The following SPRED2 variants were observed in gnomAD, a reference collection of about 807,000 sequenced individuals.
The protein encoded by SPRED2 is sprouty related EVH1 domain containing 2.
A neutral mutation model predicts 43.0 loss-of-function variants in SPRED2; 47 were observed. The observed-to-expected ratio is 1.09, with a 90% confidence interval of 0.87 to 1.40. The LOEUF is 1.40. Among genes scored for constraint, SPRED2 ranks in the 40% most tolerant of loss-of-function variants. SPRED2 has a pLI of 0.00. For missense variants in SPRED2, 561 were observed against 586.4 expected, an observed-to-expected ratio of 0.96 and a Z score of 0.45; for synonymous variants, 225 against 225.7, an observed-to-expected ratio of 1.00 and a Z score of 0.03.
intron 1 of SPRED2, 143 bp downstream of exon 1, chr2:65,431,819 C>G (rs965805818): frequency 1.0e-6 from 1 of 997,994 alleles, no homozygotes; most frequent in Non-Finnish European, 1.5e-6. Context: ...GCAGGGAAGC[C>G]TCGCGTCCCA....
At chr2:65,374,677 C>T (rs1675198639) in intron 1 of SPRED2, among the ~76,000 whole-genome samples, 1 of 152,208 alleles carries the variant, frequency 6.6e-6, no homozygotes, top group Admixed American at 6.5e-5. Context: ...GAAAATTCTT[C>T]CTGGCTCTGC....
At chr2:65,357,140 A>G (rs1396210) in intron 1 of SPRED2, among the ~76,000 whole-genome samples, 102,997 of 152,122 alleles carry the variant, frequency 0.68, 35,797 homozygotes, top group African/African-American at 0.84. Context: ...CAGGTCCACT[A>G]GAAATGGATG....
intron 1 of SPRED2, among the ~76,000 whole-genome samples, chr2:65,378,369 A>C (rs1167816192): frequency 6.6e-6 from 1 of 152,242 alleles, no homozygotes; most frequent in Admixed American, 6.5e-5. Flanking sequence ...TCAGAAATAC[A>C]TACTGAAGTA....
rs1203113171 is a variant in SPRED2, at chr2:65,311,149, C to T, written c.*2352G>A. On this transcript the variant is annotated 3_prime_UTR_variant, in exon 6 of 6. Coordinates refer to ENST00000356388, the MANE Select transcript of SPRED2 (RefSeq NM_181784.3). ...AATCTTTTGGTTAATGTTTTGTTAC[C>T]ACAGATACAAAAATAAAATCTGAAT... is the stretch of plus-strand genomic sequence containing the variant. The T allele has an allele frequency of 1.0e-6, 1 of 985,504 alleles. No homozygotes were observed. The highest frequency in any genetic ancestry group is 1.1e-4 in the East Asian group (1 of 8,806). The allele number at this position is 985,504 out of a possible 1,614,324, so 61.0% of individuals were successfully genotyped here. A position where few individuals can be genotyped will look rare whatever the true frequency, so the allele number is the denominator to read the frequency against.
chr2:65,310,530 A>G (rs1673041465), downstream of SPRED2, among the ~76,000 whole-genome samples: 3 of 151,556 alleles, frequency 2.0e-5, no homozygotes, highest in Non-Finnish European at 4.4e-5. Flanking sequence ...AGCAGGGATC[A>G]GTGGAAAACA....
At chr2:65,354,501 C>T (rs1284736823) in intron 1 of SPRED2, among the ~76,000 whole-genome samples, 1 of 151,886 alleles carries the variant, frequency 6.6e-6, no homozygotes, top group African/African-American at 2.4e-5. Flanking sequence ...ACGTATAAAT[C>T]CTGCACAGGA....
At chr2:65,414,171 A>C (rs543016592) in intron 1 of SPRED2, among the ~76,000 whole-genome samples, 1 of 152,332 alleles carries the variant, frequency 6.6e-6, no homozygotes, top group East Asian at 1.9e-4. Flanking sequence ...TTTCACAGGC[A>C]TGCATGACAG....
chr2:65,393,607 T>C (rs911304161), intron 1 of SPRED2, among the ~76,000 whole-genome samples: 1 of 152,194 alleles, frequency 6.6e-6, no homozygotes, highest in Non-Finnish European at 1.5e-5. Flanking sequence ...AGTGCTAGGA[T>C]TATAGGTGTG....
At chr2:65,317,171 G>C (rs1236044353) in intron 4 of SPRED2, among the ~76,000 whole-genome samples, 1 of 152,148 alleles carries the variant, frequency 6.6e-6, no homozygotes, top group Admixed American at 6.5e-5. Flanking sequence ...GGGGGGAAAG[G>C]CTGGATATAC....
chr2:65,385,289 G>GA (rs1452210813), intron 1 of SPRED2, among the ~76,000 whole-genome samples: 1 of 152,038 alleles, frequency 6.6e-6, no homozygotes, highest in Non-Finnish European at 1.5e-5. Context: ...CACTTCTAAT[G>GA]AATACTTACA....
At chr2:65,401,377 C>A (rs1015052047) in intron 1 of SPRED2, among the ~76,000 whole-genome samples, 4 of 152,192 alleles carry the variant, frequency 2.6e-5, no homozygotes, top group South Asian at 2.1e-4. Flanking sequence ...AGCAAGAAGA[C>A]CCCCCCAGGT....
chr2:65,430,832 T>C (rs553322020), intron 1 of SPRED2, among the ~76,000 whole-genome samples: 1 of 151,104 alleles, frequency 6.6e-6, no homozygotes, highest in Admixed American at 6.6e-5. Context: ...AGGGGAGGGA[T>C]ATCATGTGAC....
intron 4 of SPRED2, among the ~76,000 whole-genome samples, chr2:65,327,115 C>T (rs1017631172): frequency 4.6e-5 from 7 of 152,136 alleles, no homozygotes; most frequent in South Asian, 2.1e-4. Flanking sequence ...CTTGGCCTCC[C>T]GAAGTGCTGG....
At position 65,323,768 on chromosome 2, in the gene SPRED2, C is replaced by T. The variant is rs895937155; in HGVS notation, c.439-6885G>A. Among the ~76,000 whole-genome samples the T allele has an allele frequency of 4.6e-5, 7 of 151,756 alleles. No homozygotes were observed. In the East Asian group the frequency reaches 7.7e-4, roughly 17 times the overall value. On this transcript the variant is annotated intron_variant, in intron 4 of 5. Coordinates refer to ENST00000356388, the MANE Select transcript of SPRED2 (RefSeq NM_181784.3). ...GCAGGAACCTGTAGTCCCAGCTACTCGGGAGGCTGAGGCAGGAGAATGGCG... is the reference window on the plus strand; with the variant it reads ...GCAGGAACCTGTAGTCCCAGCTACTTGGGAGGCTGAGGCAGGAGAATGGCG...
intron 4 of SPRED2, among the ~76,000 whole-genome samples, chr2:65,328,564 T>G (rs1261097038): frequency 6.6e-6 from 1 of 151,900 alleles, no homozygotes; most frequent in Non-Finnish European, 1.5e-5. Flanking sequence ...TATCCAGGAG[T>G]CCAGTGCAAA....
At chr2:65,339,653 T>C (rs941841763) in intron 2 of SPRED2, among the ~76,000 whole-genome samples, 1 of 149,510 alleles carries the variant, frequency 6.7e-6, no homozygotes, top group South Asian at 2.1e-4. Flanking sequence ...ACTAGTGTCC[T>C]ATGACCCTGC....
rs376073877 is a variant in SPRED2 at position 65,396,527 on chromosome 2, T to G, written c.26+35435A>C. 2.5e-3 allele frequency among the ~76,000 whole-genome samples: 387 copies of G among 152,338 alleles called. 2 individuals are homozygous for G. The highest frequency in any genetic ancestry group is 9.0e-3 in the African/African-American group (375 of 41,568). ...TAGCAGAAACTTGGTAAATATTTGC[T>G]GAGTGAAAGAACAAATTTTTGGAGC... On this transcript the variant is annotated intron_variant, in intron 1 of 5. Coordinates refer to ENST00000356388, the MANE Select transcript of SPRED2 (RefSeq NM_181784.3).
In SPRED2 at chr2:65,431,195, G is replaced by A. The variant is rs963386904; in HGVS notation, c.26+767C>T. Reference sequence around the variant, plus strand: ...GGGCCAGGCACAAGCCCGTGCACGCGCACCCGCGAGGACACTCACATACAC... The same window carrying A: ...GGGCCAGGCACAAGCCCGTGCACGCACACCCGCGAGGACACTCACATACAC... On this transcript the variant is annotated intron_variant, in intron 1 of 5. Coordinates refer to ENST00000356388, the MANE Select transcript of SPRED2 (RefSeq NM_181784.3). Among the ~76,000 whole-genome samples, 6 of 151,492 alleles carry A rather than the reference G, an allele frequency of 4.0e-5. No individual in the cohort carries two copies. The East Asian group carries it at 7.8e-4, about 20-fold the overall frequency.
chr2:65,398,144 C>G (rs764772126), intron 1 of SPRED2, among the ~76,000 whole-genome samples: 3 of 152,156 alleles, frequency 2.0e-5, no homozygotes, highest in Non-Finnish European at 2.9e-5. Flanking sequence ...AGAAAAAGAA[C>G]ACCCTATTCA....
Sources: gnomAD v4.1 joint callset for allele counts (sites outside exome capture counted in the v4.1 genomes callset) on GRCh38, gnomAD v4.1.1 for gene constraint, MANE v1.5 for transcripts, NCBI Gene and HGNC (gene_info 2026-07-23, HGNC 2026-07-21) for gene names.